The following PCDHGB2 variants were observed in gnomAD, a reference collection of about 807,000 sequenced individuals.
PCDHGB2 encodes the protein protocadherin gamma subfamily B, 2.
Under a neutral mutation model 59.3 loss-of-function variants are expected in PCDHGB2, and 55 were observed. That is an observed-to-expected ratio of 0.93 (90% CI 0.75 to 1.16). The LOEUF is 1.16. PCDHGB2 is among the 50% of genes most tolerant of loss of function. PCDHGB2 has a pLI of 0.00. For synonymous variants in PCDHGB2, 516 were observed against 512.0 expected (o/e 1.01, Z -0.11); for missense variants, 1,228 against 1,198.5 (o/e 1.02, Z -0.36).
chr5:141,505,413 C>G lies in PCDHGB2; in HGVS notation c.2501C>G (p.Thr834Ser). ...CCCAGCTCCCAAAATGGCGATGACA[C>G]CGGCACCTGGCCCAACAACCAGTTT... Reference protein sequence around the residue: ...GTSGSQNGDDTGTWPNNQFDT... With the variant: ...GTSGSQNGDDSGTWPNNQFDT... Residue 834 changes from threonine to serine, a missense_variant, in exon 3 of 4, where the codon ACC (threonine) becomes AGC (serine). Physicochemically the swap from Thr to Ser is moderately conservative, Grantham distance 58. Around this residue, in one of 3 missense-constraint regions of PCDHGB2, gnomAD observed 433 missense variants for 441.8 expected, o/e 0.98. Coordinates refer to ENST00000522605, the MANE Select transcript of PCDHGB2 (RefSeq NM_018923.3). 2.5e-6 allele frequency: 4 copies of G among 1,614,202 alleles called. No individual in the cohort carries two copies. In the South Asian group the frequency reaches 4.4e-5, roughly 18 times the overall value.
intron 1 of PCDHGB2, among the ~76,000 whole-genome samples, chr5:141,382,119 C>T (rs919282723): frequency 2.0e-5 from 3 of 152,112 alleles, no homozygotes; most frequent in Non-Finnish European, 4.4e-5. Flanking sequence ...TGAGCAACAG[C>T]ACCTGGCCCC....
At chr5:141,457,881 G>T (rs2098931594) in intron 1 of PCDHGB2, among the ~76,000 whole-genome samples, 2 of 152,230 alleles carry the variant, frequency 1.3e-5, no homozygotes, top group African/African-American at 4.8e-5. Context: ...TAGGAACCCT[G>T]TGTGGGGACT....
intron 1 of PCDHGB2, chr5:141,478,312 C>T (rs768312280): frequency 8.1e-6 from 13 of 1,614,002 alleles, no homozygotes; most frequent in East Asian, 2.2e-5. Flanking sequence ...CCCCGGTGAG[C>T]TCACTGTACC....
In PCDHGB2 at chr5:141,485,804, G is replaced by C; in HGVS notation, c.2422-9003G>C. 6.2e-7 allele frequency: 1 copy of C among 1,614,218 alleles called. No homozygotes were observed. The highest frequency in any genetic ancestry group is 1.3e-5 in the African/African-American group (1 of 75,060). The stretch of plus-strand genomic sequence containing the variant: ...AGAGAAGCAATCGGACTACCGCCTG[G>C]TGCTGACTGCTGTCGATGGAGGGAA... On this transcript the variant is annotated intron_variant, in intron 1 of 3. Coordinates refer to ENST00000522605, the MANE Select transcript of PCDHGB2 (RefSeq NM_018923.3). This position sits in a 1 kb window ranked among gnomAD's most constrained non-coding sequence, Gnocchi z 5.7.
Position 141,491,034 on chromosome 5 carries a change from T to C in PCDHGB2, c.2422-3773T>C, listed in dbSNP as rs375902824. On this transcript the variant is annotated intron_variant, in intron 1 of 3. Coordinates refer to ENST00000522605, the MANE Select transcript of PCDHGB2 (RefSeq NM_018923.3). The surrounding 1 kb of genome is among the most constrained non-coding windows in gnomAD (Gnocchi z 6.9). The stretch of plus-strand genomic sequence containing the variant: ...CCAAGGTGACAGCCGTGGATGCTGA[T>C]GCAGGCCACAATGCGTGGCTCTCCT... 19 of 1,614,170 alleles carry C rather than the reference T, an allele frequency of 1.2e-5. No homozygotes were observed. Among genetic ancestry groups the C allele is most frequent in the East Asian group, 4.5e-5 (2 of 44,894 alleles).
rs532907359 is a variant in PCDHGB2, at chr5:141,500,353, C to T, written c.2481-5040C>T. 1.9e-4 allele frequency among the ~76,000 whole-genome samples: 29 copies of T among 152,052 alleles called. No homozygotes were observed. The East Asian group carries it at 5.2e-3, about 27-fold the overall frequency. The stretch of plus-strand genomic sequence containing the variant: ...CCTCCAGAATAGCTGGGACTACAGG[C>T]GCCCACTACCACGCCCGGCTAATTA... On this transcript the variant is annotated intron_variant, in intron 2 of 3. Transcript: ENST00000522605.
intron 1 of PCDHGB2, chr5:141,388,778 A>T (rs2091485337): frequency 1.9e-6 from 3 of 1,613,826 alleles, no homozygotes. Context: ...ACACCGGGGA[A>T]ATTACTGTTT....
At chr5:141,433,358 C>CTAT (rs2097585632) in intron 1 of PCDHGB2, 108 of 504,044 alleles carry the variant, frequency 2.1e-4, no homozygotes, top group African/African-American at 2.0e-3. Flanking sequence ...CTACTGTCTG[C>CTAT]CTATCTATCT....
At position 141,491,462 on chromosome 5, in the gene PCDHGB2, T is replaced by C; in HGVS notation, c.2422-3345T>C. 1.2e-6 allele frequency: 2 copies of C among 1,614,004 alleles called. No individual in the cohort carries two copies. The highest frequency in any genetic ancestry group is 1.7e-6 in the Non-Finnish European group (2 of 1,179,978). ...CGCCAGGACTCACCCTCCCCGGACT[T>C]CTATAAGCAGTCCAGCCCCAACCTG... On this transcript the variant is annotated intron_variant, in intron 1 of 3. Coordinates refer to ENST00000522605, the MANE Select transcript of PCDHGB2 (RefSeq NM_018923.3). This position sits in a 1 kb window ranked among gnomAD's most constrained non-coding sequence, Gnocchi z 6.9.
intron 1 of PCDHGB2, chr5:141,375,438 T>TC: frequency 1.2e-6 from 2 of 1,613,806 alleles, no homozygotes; most frequent in African/African-American, 1.3e-5. Flanking sequence ...CCGCCCACCT[T>TC]CCCCCATTCA....
chr5:141,468,899 T>C (rs1051519139), intron 1 of PCDHGB2, among the ~76,000 whole-genome samples: 2 of 151,550 alleles, frequency 1.3e-5, no homozygotes, highest in Non-Finnish European at 2.9e-5. Flanking sequence ...GGTACTAATA[T>C]GATCCAGACT....
chr5:141,389,095 CAG>C (rs759384103), intron 1 of PCDHGB2: 4 of 1,613,906 alleles, frequency 2.5e-6, no homozygotes, highest in South Asian at 2.2e-5. Flanking sequence ...AAATTAGTGA[CAG>C]ATGCTGTTCT....
intron 2 of PCDHGB2, among the ~76,000 whole-genome samples, chr5:141,503,010 A>T (rs1595838084): frequency 6.8e-6 from 1 of 146,772 alleles, no homozygotes; most frequent in East Asian, 2.0e-4. Context: ...TGCCCGGTTA[A>T]TTTTTTTTTT....
intron 1 of PCDHGB2, chr5:141,374,258 T>C: frequency 2.5e-6 from 4 of 1,613,924 alleles, no homozygotes; most frequent in East Asian, 2.2e-5. Flanking sequence ...GCCCCAGGAG[T>C]TGGCGGAGCA....
At position 141,372,855 on chromosome 5, in the gene PCDHGB2, A is replaced by T; in HGVS notation, c.2421+10299A>T. 7 of 1,456,148 alleles carry T rather than the reference A, an allele frequency of 4.8e-6. No homozygotes were observed. The South Asian group carries it at 6.7e-5, about 14-fold the overall frequency. 90.2% of individuals were successfully genotyped at this position (1,456,148 alleles called of 1,614,324 possible). On this transcript the variant is annotated intron_variant, in intron 1 of 3. Transcript: ENST00000522605. ...CCTTCCATAAATATAATTGGGTTTC[A>T]ATTCATTGATTTAGAGATAAAAAGA...
At chr5:141,418,740 TG>T in intron 1 of PCDHGB2, 1 of 1,613,972 alleles carries the variant, frequency 6.2e-7, no homozygotes, top group Non-Finnish European at 8.5e-7. Context: ...GTGTTCTCTC[TG>T]GATTACACTA....
Position 141,476,165 on chromosome 5 carries a change from G to A in PCDHGB2, c.2422-18642G>A. ...CGGACTGGTAAGCACCGGGAGGGTA[G>A]TGGGAGTTTTGCTTCTGCTTGGTGC... On this transcript the variant is annotated intron_variant, in intron 1 of 3. Coordinates refer to ENST00000522605, the MANE Select transcript of PCDHGB2 (RefSeq NM_018923.3). This position sits in a 1 kb window ranked among gnomAD's most constrained non-coding sequence, Gnocchi z 7.6. 1 of 1,613,228 alleles carries A rather than the reference G, an allele frequency of 6.2e-7. No homozygotes were observed.
chr5:141,490,419 G>C lies in PCDHGB2; in HGVS notation c.2422-4388G>C. The C allele has an allele frequency of 6.2e-7, 1 of 1,614,170 alleles. No homozygotes were observed. Among genetic ancestry groups the C allele is most frequent in the Non-Finnish European group, 8.5e-7 (1 of 1,180,020 alleles). ...TGAGCCTTGATATCTCTCCGGACCT[G>C]CCATTTCAGATTAAGCCTTCTGAGA... On this transcript the variant is annotated intron_variant, in intron 1 of 3. Transcript: ENST00000522605. The surrounding 1 kb of genome is among the most constrained non-coding windows in gnomAD (Gnocchi z 5.4).
chr5:141,419,012 A>C (rs1422133011), intron 1 of PCDHGB2: 1 of 1,613,986 alleles, frequency 6.2e-7, no homozygotes. Context: ...AGTCAGGTGT[A>C]GCTTAAGTAG....
Sources: gnomAD v4.1 joint callset for allele counts (sites outside exome capture counted in the v4.1 genomes callset) on GRCh38, gnomAD v4.1.1 for gene constraint, gnomAD v4.1.1 regional missense constraint, Gnocchi (gnomAD v3.1) non-coding constraint, MANE v1.5 for transcripts, NCBI Gene and HGNC (gene_info 2026-07-23, HGNC 2026-07-21) for gene names.